The following PTPRU variants were observed in gnomAD, a reference collection of about 807,000 sequenced individuals.
The protein encoded by PTPRU is protein tyrosine phosphatase receptor type U.
A neutral mutation model predicts 166.3 loss-of-function variants in PTPRU; 69 were observed. The ratio of observed to expected loss-of-function variants is 0.41; its 90% CI spans 0.34 to 0.51. PTPRU has a LOEUF of 0.51. Among genes scored for constraint, PTPRU ranks in the 20% least tolerant of loss-of-function variants. The probability of loss-of-function intolerance (pLI) is 0.09; values close to 1 mark genes in which losing one functional copy is unlikely to be tolerated. For synonymous variants in PTPRU, 793 were observed against 814.0 expected, an observed-to-expected ratio of 0.97 and a Z score of 0.44; for missense variants, 1,657 against 2,013.7, an observed-to-expected ratio of 0.82 and a Z score of 3.39.
rs757013273 is a variant in PTPRU at position 29,258,611 on chromosome 1, C to T, written c.312C>T (p.Tyr104=). The T allele has an allele frequency of 6.8e-6, 11 of 1,614,162 alleles. No homozygotes were observed. The East Asian group carries it at 2.5e-4, about 36-fold the overall frequency. ...ATACCCACTGTGTGCAGTTCAGCTACTTCCTGTACAGCCGGGACGGGCACA... is the reference window on the plus strand; with the variant it reads ...ATACCCACTGTGTGCAGTTCAGCTATTTCCTGTACAGCCGGGACGGGCACA... The part of the protein sequence containing the change: ...ENDTHCVQFS[Y]FLYSRDGHSP... The change falls in exon 3 of 30, where the codon TAC becomes TAT. Residue 104 remains tyrosine, a synonymous_variant. Coordinates refer to ENST00000373779, the MANE Select transcript of PTPRU (RefSeq NM_133178.4).
chr1:29,319,296 A>G (rs1216692053), intron 25 of PTPRU, among the ~76,000 whole-genome samples: 1 of 150,618 alleles, frequency 6.6e-6, no homozygotes, highest in Non-Finnish European at 1.5e-5. Context: ...CCATCTGCAC[A>G]TTGGGGGCCT....
rs531350764 is a variant in PTPRU, at chr1:29,292,333, C to T, written c.2476+307C>T. Among the ~76,000 whole-genome samples, 5 of 152,226 alleles carry T rather than the reference C, an allele frequency of 3.3e-5. No individual in the cohort carries two copies. The South Asian group carries it at 1.0e-3, about 32-fold the overall frequency. On this transcript the variant is annotated intron_variant, in intron 15 of 29. Transcript: ENST00000373779. ...AGTGGCCTCACCCCTTATTGAGCAC[C>T]TGTTATGTGAGAGGTGGGGATACAG...
At chr1:29,297,775 G>T (rs1311323363) in intron 15 of PTPRU, among the ~76,000 whole-genome samples, 2 of 152,192 alleles carry the variant, frequency 1.3e-5, no homozygotes, top group East Asian at 3.9e-4. Context: ...TGATGAGTTG[G>T]GGAGTCAGGA....
In PTPRU at chr1:29,236,763, G is replaced by A; in HGVS notation, c.73+46G>A. On this transcript the variant is annotated intron_variant, in intron 1 of 29. Transcript: ENST00000373779. This position sits in a 1 kb window ranked among gnomAD's most constrained non-coding sequence, Gnocchi z 4.6. The stretch of plus-strand genomic sequence containing the variant: ...CCGAGCCTGCCCCGCCGAGCCTCGG[G>A]GCCCGTGGCGTAGCTCGGAAGAAAG... 1 of 1,376,728 alleles carries A rather than the reference G, an allele frequency of 7.3e-7. No individual in the cohort carries two copies. 85.3% of individuals were successfully genotyped at this position (1,376,728 alleles called of 1,614,324 possible). A position where few individuals can be genotyped will look rare whatever the true frequency, so the allele number is the denominator to read the frequency against.
At chr1:29,318,110 C>CA (rs1336435166) in intron 25 of PTPRU, among the ~76,000 whole-genome samples, 189 bp downstream of exon 25, 40 of 152,208 alleles carry the variant, frequency 2.6e-4, no homozygotes, top group Non-Finnish European at 1.5e-4. Context: ...CAGTGCCCCC[C>CA]ACACTCTGCC....
At chr1:29,287,946 T>C (rs1052675323) in intron 14 of PTPRU, among the ~76,000 whole-genome samples, 19 of 152,112 alleles carry the variant, frequency 1.2e-4, no homozygotes, top group Admixed American at 6.6e-5. Flanking sequence ...CCTGAGTAGC[T>C]GGGATTACAG....
chr1:29,290,365 C>G (rs1228249156), intron 14 of PTPRU, among the ~76,000 whole-genome samples: 1 of 152,208 alleles, frequency 6.6e-6, no homozygotes, highest in Non-Finnish European at 1.5e-5. Context: ...GAAACTGAGG[C>G]TCAGAGAGAC....
chr1:29,298,428 A>T (rs1463399164), intron 15 of PTPRU, among the ~76,000 whole-genome samples: 2 of 152,130 alleles, frequency 1.3e-5, no homozygotes, highest in South Asian at 4.1e-4. Flanking sequence ...GTGGTTTAGA[A>T]TGGAAAGCCA....
chr1:29,253,304 T>C, intron 1 of PTPRU, among the ~76,000 whole-genome samples: 1 of 152,158 alleles, frequency 6.6e-6, no homozygotes, highest in East Asian at 1.9e-4. Flanking sequence ...CAAATGTGAT[T>C]GCACATAAAA....
At chr1:29,287,583 G>C (rs535782836) in intron 14 of PTPRU, among the ~76,000 whole-genome samples, 1 of 150,372 alleles carries the variant, frequency 6.7e-6, no homozygotes, top group Admixed American at 6.6e-5. Flanking sequence ...TAACCTCACT[G>C]TGTATGTATG....
At chr1:29,310,803 T>C (rs760635693) in intron 19 of PTPRU, 23 bp downstream of exon 19, 5 of 1,611,416 alleles carry the variant, frequency 3.1e-6, no homozygotes, top group Non-Finnish European at 4.2e-6. Flanking sequence ...TCTGCCCACA[T>C]GCGCCTTCCC....
intron 1 of PTPRU, among the ~76,000 whole-genome samples, chr1:29,241,032 G>T (rs1373743478): frequency 6.6e-6 from 1 of 152,162 alleles, no homozygotes; most frequent in African/African-American, 2.4e-5. Context: ...CAGTCAGAGT[G>T]GGGGGTGTGT....
chr1:29,304,274 G>A (rs562696336), intron 16 of PTPRU, among the ~76,000 whole-genome samples: 26 of 152,168 alleles, frequency 1.7e-4, no homozygotes, highest in East Asian at 5.8e-4. Context: ...CTTGAATCTC[G>A]TCTCCATCTC....
chr1:29,253,003 G>A (rs1684623235), intron 1 of PTPRU, among the ~76,000 whole-genome samples: 1 of 152,190 alleles, frequency 6.6e-6, no homozygotes, highest in Non-Finnish European at 1.5e-5. Flanking sequence ...ACTTCTGGCC[G>A]ACCCGCTGCA....
At chr1:29,306,810 C>G (rs1398023967) in intron 18 of PTPRU, among the ~76,000 whole-genome samples, 1 of 152,198 alleles carries the variant, frequency 6.6e-6, no homozygotes, top group Non-Finnish European at 1.5e-5. Context: ...TTCCCAGAAT[C>G]CCTTGCTGCC....
In PTPRU at chr1:29,317,733, C is replaced by T; in HGVS notation, c.3514-15C>T. 6.3e-7 allele frequency: 1 copy of T among 1,598,388 alleles called. No homozygotes were observed. The highest frequency in any genetic ancestry group is 8.5e-7 in the Non-Finnish European group (1 of 1,175,558). ...CCTGGACGTAACTCTCTGTCCCCAC[C>T]CCCGCTCCCTGTAGACGCTGAACTC... On this transcript the variant is annotated splice_polypyrimidine_tract_variant and intron_variant, in intron 24 of 29. Transcript: ENST00000373779. The surrounding 1 kb of genome is among the most constrained non-coding windows in gnomAD (Gnocchi z 5.6).
At position 29,313,300 on chromosome 1, in the gene PTPRU, A is replaced by G. The variant is rs1687754558; in HGVS notation, c.3227+594A>G. Among the ~76,000 whole-genome samples, 4 of 152,048 alleles carry G rather than the reference A, an allele frequency of 2.6e-5. 1 individual carries two copies. In the South Asian group the frequency reaches 8.3e-4, roughly 32 times the overall value. ...ACCCCCAACCTTTGTGGCTTTGTCC[A>G]TGGCCTCTGTGTCTCATTGCGGTTC... On this transcript the variant is annotated intron_variant, in intron 22 of 29. Coordinates refer to ENST00000373779, the MANE Select transcript of PTPRU (RefSeq NM_133178.4).
At position 29,237,247 on chromosome 1, in the gene PTPRU, GA is replaced by G. The variant is rs1002011375; in HGVS notation, c.73+531del. Among the ~76,000 whole-genome samples, 1 of 151,652 alleles carries G rather than the reference GA, an allele frequency of 6.6e-6. No individual in the cohort carries two copies. Among genetic ancestry groups the G allele is most frequent in the African/African-American group, 2.4e-5 (1 of 41,218 alleles). ...GCGTGTGTGGCGTGTGTGCTTTTGA[GA>G]TCCGTGTACATGTGTGAAGGCGTGG... is the stretch of plus-strand genomic sequence containing the variant. On this transcript the variant is annotated intron_variant, in intron 1 of 29. Transcript: ENST00000373779. This position sits in a 1 kb window ranked among gnomAD's most constrained non-coding sequence, Gnocchi z 6.4.
chr1:29,260,713 G>A lies in PTPRU; in HGVS notation c.954G>A (p.Val318=). Residue 318 remains valine, a synonymous_variant, in exon 7 of 30, where the codon GTG becomes GTA. Coordinates refer to ENST00000373779, the MANE Select transcript of PTPRU (RefSeq NM_133178.4). This position sits in a 1 kb window ranked among gnomAD's most constrained non-coding sequence, Gnocchi z 8.3. The part of the protein sequence containing the change: ...TNSIIGDGPI[V]RKEIEYRMAR... ...CCATCATTGGCGACGGGCCGATCGT[G>A]CGCAAGGAGATTGAGTACCGCATGG... The A allele has an allele frequency of 1.2e-6, 2 of 1,601,466 alleles. No homozygotes were observed. Among genetic ancestry groups the A allele is most frequent in the Non-Finnish European group, 8.5e-7 (1 of 1,173,302 alleles).
Sources: gnomAD v4.1 joint callset for allele counts (sites outside exome capture counted in the v4.1 genomes callset) on GRCh38, gnomAD v4.1.1 for gene constraint, Gnocchi (gnomAD v3.1) non-coding constraint, MANE v1.5 for transcripts, NCBI Gene and HGNC (gene_info 2026-07-23, HGNC 2026-07-21) for gene names.